The following FGF13 variants were observed in gnomAD, a reference collection of about 807,000 sequenced individuals.
The protein encoded by FGF13 is fibroblast growth factor homologous factor 2.
FGF13 carries 2 observed loss-of-function variants against 19.5 expected under a neutral mutation model. The ratio of observed to expected loss-of-function variants is 0.10; its 90% confidence interval spans 0.04 to 0.32. FGF13 has a LOEUF of 0.32. Among genes scored for constraint, FGF13 ranks in the 10% least tolerant of loss-of-function variants. FGF13 has a pLI of 1.00. For missense variants in FGF13, 113 were observed against 192.7 expected (o/e 0.59, Z 2.45); for synonymous variants, 72 against 76.9 (o/e 0.94, Z 0.33).
chrX:138,830,068 C>T (rs1188022171), intron 3 of FGF13, among the ~76,000 whole-genome samples: 3 of 112,015 alleles, frequency 2.7e-5, no homozygotes, highest in African/African-American at 9.7e-5. Context: ...TTTACTTTAA[C>T]AACAGAAAAC....
chrX:138,865,481 TCTCTC>T (rs2091317385), intron 1 of FGF13, among the ~76,000 whole-genome samples: 1 of 96,895 alleles, frequency 1.0e-5, no homozygotes, highest in Non-Finnish European at 2.1e-5. Flanking sequence ...CTCCTCTCTC[TCTCTC>T]CTCTCTCTCT....
chrX:139,028,974 C>T (rs2092215784), intron 1 of FGF13, among the ~76,000 whole-genome samples: 1 of 110,279 alleles, frequency 9.1e-6, no homozygotes, highest in Non-Finnish European at 1.9e-5. Context: ...GGACTGGGTT[C>T]ATGTCCTAGC....
intron 1 of FGF13, among the ~76,000 whole-genome samples, chrX:138,725,012 T>C (rs947627498): frequency 8.9e-6 from 1 of 112,349 alleles, no homozygotes; most frequent in Non-Finnish European, 1.9e-5. Context: ...AAAACATTTT[T>C]ATAAGTTTAT....
intron 3 of FGF13, among the ~76,000 whole-genome samples, chrX:138,805,721 T>C (rs904939173): frequency 6.2e-5 from 7 of 112,331 alleles, no homozygotes; most frequent in African/African-American, 3.2e-5. Context: ...ACATGAAATC[T>C]GCCCTCTTAA....
chrX:139,077,438 C>A (rs1249470527), intron 1 of FGF13, among the ~76,000 whole-genome samples: 1 of 111,467 alleles, frequency 9.0e-6, no homozygotes, highest in Non-Finnish European at 1.9e-5. Context: ...CACTTTATTA[C>A]AGAGTAGAAT....
chrX:138,964,225 C>T (rs771277498), intron 1 of FGF13, among the ~76,000 whole-genome samples: 31 of 111,132 alleles, frequency 2.8e-4, no homozygotes, highest in Middle Eastern at 4.6e-3. Context: ...GAGAGTTTTC[C>T]AAGCAGAGGG....
chrX:138,661,275 A>G (rs1490521333), intron 3 of FGF13, among the ~76,000 whole-genome samples: 1 of 112,087 alleles, frequency 8.9e-6, no homozygotes, highest in African/African-American at 3.2e-5. Flanking sequence ...TCCCTCAAAG[A>G]TCTTCCTCTC....
upstream of FGF13, chrX:139,204,167 G>C: frequency 9.3e-7 from 1 of 1,080,700 alleles, no homozygotes; most frequent in South Asian, 1.9e-5. Context: ...CGAGCGGGTC[G>C]GACTTGGGAG....
chrX:139,176,833 T>C (rs182751424), intron 1 of FGF13, among the ~76,000 whole-genome samples: 151 of 111,714 alleles, frequency 1.4e-3, no homozygotes, highest in African/African-American at 4.4e-3. Context: ...CTTCCAATTA[T>C]GTGATCGATT....
rs1336620959 is a variant in FGF13 at position 138,711,181 on chromosome X, C to T, written c.-178G>A. 3 of 1,061,806 alleles carry T rather than the reference C, an allele frequency of 2.8e-6. No individual in the cohort carries two copies. Among genetic ancestry groups the T allele is most frequent in the Non-Finnish European group, 2.4e-6 (2 of 827,859 alleles). 87.5% of individuals were successfully genotyped at this position (1,061,806 alleles called of 1,213,427 possible). On this transcript the variant is annotated 5_prime_UTR_variant, in exon 1 of 5. Coordinates refer to ENST00000315930, the MANE Select transcript of FGF13 (RefSeq NM_004114.5). ...CAGCCAAGGAGGGGGCTCAGCATGC[C>T]GTCCGAGCTCCTCCGGCGGCGGTCC...
intron 3 of FGF13, among the ~76,000 whole-genome samples, chrX:138,771,750 A>G (rs2078603402): frequency 9.1e-6 from 1 of 110,107 alleles, no homozygotes; most frequent in Admixed American, 9.8e-5. Context: ...TCTTGCAGAA[A>G]AAAAAGGAGG....
At chrX:139,116,691 G>GA (rs1315210041) in intron 1 of FGF13, among the ~76,000 whole-genome samples, 2 of 110,878 alleles carry the variant, frequency 1.8e-5, no homozygotes, top group Non-Finnish European at 3.8e-5. Flanking sequence ...AGAGCGGGGG[G>GA]AAAAAAATCC....
chrX:138,891,767 G>C (rs1472488113), intron 1 of FGF13, among the ~76,000 whole-genome samples: 1 of 110,439 alleles, frequency 9.1e-6, no homozygotes. Flanking sequence ...CTAATCAGCT[G>C]CCAGCGAATA....
upstream of FGF13, chrX:139,204,085 G>A (rs2084443022): frequency 3.3e-6 from 4 of 1,211,090 alleles, no homozygotes; most frequent in South Asian, 7.0e-5. Context: ...CTCCTCTTTG[G>A]GCTTGGTCAC....
chrX:138,950,446 T>C (rs899495826), intron 1 of FGF13, among the ~76,000 whole-genome samples: 6 of 111,966 alleles, frequency 5.4e-5, no homozygotes, highest in African/African-American at 1.9e-4. Flanking sequence ...TATTCTCCAA[T>C]ATTTATGTAA....
intron 3 of FGF13, among the ~76,000 whole-genome samples, chrX:138,649,393 CA>C (rs963110760): frequency 8.9e-6 from 1 of 111,790 alleles, no homozygotes; most frequent in Non-Finnish European, 1.9e-5. Flanking sequence ...AAGCTTCAGG[CA>C]GAACTGGTTA....
chrX:138,677,645 G>C (rs1388622456), intron 3 of FGF13, among the ~76,000 whole-genome samples: 2 of 111,313 alleles, frequency 1.8e-5, no homozygotes, highest in Admixed American at 1.9e-4. Flanking sequence ...TCCCACACCA[G>C]TTAGAATGGC....
chrX:138,882,901 G>T lies in FGF13; in HGVS notation c.-112-18251C>A, dbSNP rs761942541. On this transcript the variant is annotated intron_variant, in intron 1 of 2. Coordinates refer to the FGF13 transcript ENST00000421460. ...CAGAGGTTTGAAAACCTCTGCCCTA[G>T]ATCACAGGCTTTGAGGCTAGGAGAA... Among the ~76,000 whole-genome samples, 13 of 111,165 alleles carry T rather than the reference G, an allele frequency of 1.2e-4. 1 individual carries two copies. In the South Asian group the frequency reaches 5.0e-3, roughly 43 times the overall value.
intron 1 of FGF13, among the ~76,000 whole-genome samples, chrX:138,921,697 A>G (rs2091646116): frequency 1.8e-5 from 2 of 111,340 alleles, no homozygotes; most frequent in South Asian, 7.5e-4. Context: ...CTTGATTGCT[A>G]TCCTGCACAG....
Sources: allele counts gnomAD v4.1 joint callset (sites outside exome capture counted in the v4.1 genomes callset), GRCh38; gene constraint gnomAD v4.1.1; transcripts MANE v1.5; gene names NCBI Gene and HGNC (gene_info 2026-07-23, HGNC 2026-07-21).